Variants in DYNC1I1 observed in about 807,000 individuals in gnomAD.
The protein encoded by DYNC1I1 is cytoplasmic dynein 1 intermediate chain 1.
A neutral mutation model predicts 86.6 loss-of-function variants in DYNC1I1; 43 were observed. The ratio of observed to expected loss-of-function variants is 0.50; its 90% CI spans 0.39 to 0.64. DYNC1I1 has a LOEUF of 0.64. Among genes scored for constraint, DYNC1I1 ranks in the 30% least tolerant of loss-of-function variants. The pLI, the probability that DYNC1I1 is intolerant of heterozygous loss-of-function variation, is 0.00. For missense variants in DYNC1I1, 604 were observed against 788.8 expected (o/e 0.77, Z 2.81); for synonymous variants, 262 against 283.7 (o/e 0.92, Z 0.77).
At chr7:95,802,728 T>G (rs926944566) in intron 1 of DYNC1I1, 1 of 152,182 alleles carries the variant, frequency 6.6e-6, no homozygotes, top group Non-Finnish European at 1.5e-5. Flanking sequence ...TATAACTCAT[T>G]GTAACCGTGA....
chr7:95,893,093 G>T lies in DYNC1I1; in HGVS notation c.490+23095G>T, dbSNP rs1042818665. 3.3e-5 allele frequency among the ~76,000 whole-genome samples: 5 copies of T among 152,094 alleles called. No individual in the cohort carries two copies. The East Asian group carries it at 9.6e-4, about 29-fold the overall frequency. The stretch of plus-strand genomic sequence containing the variant: ...GCACAGTAAGCTTTGAAAAGGGAGG[G>T]TTAAAAATAGCTTCCTGGTTTCAGC... On this transcript the variant is annotated intron_variant, in intron 6 of 16. Transcript: ENST00000447467.
chr7:96,096,291 A>G (rs559217740), intron 16 of DYNC1I1, among the ~76,000 whole-genome samples: 120 of 152,182 alleles, frequency 7.9e-4, no homozygotes, highest in Admixed American at 2.2e-3. Context: ...AGCAATCTCA[A>G]AGCTTAGGTT....
intron 6 of DYNC1I1, among the ~76,000 whole-genome samples, chr7:95,963,613 C>T (rs1792930726): frequency 6.6e-6 from 1 of 152,144 alleles, no homozygotes; most frequent in African/African-American, 2.4e-5. Flanking sequence ...GCCACAGTTT[C>T]ATTCTCACAC....
intron 6 of DYNC1I1, among the ~76,000 whole-genome samples, chr7:95,890,052 G>A (rs563729011): frequency 2.0e-4 from 30 of 152,080 alleles, no homozygotes; most frequent in Non-Finnish European, 2.8e-4. Context: ...CTGAAATAGC[G>A]AAAAACAGAA....
At chr7:95,989,508 G>C (rs1793677376) in intron 9 of DYNC1I1, among the ~76,000 whole-genome samples, 1 of 152,198 alleles carries the variant, frequency 6.6e-6, no homozygotes, top group Admixed American at 6.5e-5. Context: ...GAATTACACA[G>C]GAACCTTATC....
At chr7:95,923,807 G>A (rs574303437) in intron 6 of DYNC1I1, among the ~76,000 whole-genome samples, 2 of 152,208 alleles carry the variant, frequency 1.3e-5, no homozygotes, top group South Asian at 4.1e-4. Flanking sequence ...TGTACAAATG[G>A]CATTTGAGTG....
chr7:95,968,824 C>CTGTGTGTG (rs56022930), intron 6 of DYNC1I1, among the ~76,000 whole-genome samples: 9,504 of 93,868 alleles, frequency 0.1, 402 homozygotes, highest in Non-Finnish European at 0.15. Flanking sequence ...ATTTTTTGCT[C>CTGTGTGTG]TGTGTGTGTG....
intron 6 of DYNC1I1, among the ~76,000 whole-genome samples, chr7:95,965,255 C>T (rs1021198433): frequency 2.0e-5 from 3 of 152,198 alleles, no homozygotes; most frequent in Non-Finnish European, 4.4e-5. Context: ...ACTTCCACAA[C>T]TTTTCCTTTC....
intron 6 of DYNC1I1, among the ~76,000 whole-genome samples, chr7:95,949,036 T>C (rs1449883595): frequency 6.6e-6 from 1 of 152,116 alleles, no homozygotes; most frequent in Non-Finnish European, 1.5e-5. Flanking sequence ...TTACTCTGCT[T>C]TTGCAACTTC....
intron 1 of DYNC1I1, among the ~76,000 whole-genome samples, chr7:95,777,272 C>T (rs1343513083): frequency 6.6e-6 from 1 of 152,158 alleles, no homozygotes; most frequent in African/African-American, 2.4e-5. Flanking sequence ...TTTTGCTTCC[C>T]CCATCGCCAG....
intron 9 of DYNC1I1, among the ~76,000 whole-genome samples, chr7:95,988,838 A>G (rs1793660545): frequency 1.3e-5 from 2 of 152,166 alleles, no homozygotes; most frequent in Admixed American, 1.3e-4. Context: ...CCCCCTCACA[A>G]CAATCATATG....
intron 14 of DYNC1I1, among the ~76,000 whole-genome samples, chr7:96,072,620 C>A (rs1456611932): frequency 6.6e-6 from 1 of 152,024 alleles, no homozygotes; most frequent in Non-Finnish European, 1.5e-5. Flanking sequence ...GTCAAATTTG[C>A]CCCCATCATC....
intron 13 of DYNC1I1, among the ~76,000 whole-genome samples, chr7:96,037,286 A>G (rs1413095064): frequency 2.0e-5 from 3 of 152,198 alleles, no homozygotes; most frequent in African/African-American, 7.2e-5. Flanking sequence ...AAAGCATAAA[A>G]ATATTTGATA....
At chr7:96,022,210 T>C (rs1294291667) in intron 10 of DYNC1I1, among the ~76,000 whole-genome samples, 1 of 152,162 alleles carries the variant, frequency 6.6e-6, no homozygotes, top group Non-Finnish European at 1.5e-5. Context: ...TAGTGGATGT[T>C]AAATGGTATG....
At chr7:95,918,059 A>G (rs1012352005) in intron 6 of DYNC1I1, among the ~76,000 whole-genome samples, 4 of 152,208 alleles carry the variant, frequency 2.6e-5, no homozygotes, top group African/African-American at 9.6e-5. Context: ...TTGAGTATCT[A>G]AAGTAAACCT....
At chr7:96,052,322 A>C (rs1789425486) in intron 14 of DYNC1I1, among the ~76,000 whole-genome samples, 1 of 152,134 alleles carries the variant, frequency 6.6e-6, no homozygotes, top group Non-Finnish European at 1.5e-5. Flanking sequence ...TGAAAAAAGA[A>C]AGCAGAAGTT....
At chr7:95,812,794 C>T (rs1338189361) in intron 3 of DYNC1I1, among the ~76,000 whole-genome samples, 1 of 152,126 alleles carries the variant, frequency 6.6e-6, no homozygotes, top group Non-Finnish European at 1.5e-5. Context: ...TGTCCTTGAC[C>T]ATTTAAAATT....
intron 6 of DYNC1I1, among the ~76,000 whole-genome samples, chr7:95,927,011 C>A (rs1398497082): frequency 6.6e-6 from 1 of 152,032 alleles, no homozygotes; most frequent in Non-Finnish European, 1.5e-5. Context: ...AAATATATGA[C>A]AATACAATGA....
chr7:95,910,857 T>G (rs990525476), intron 6 of DYNC1I1, among the ~76,000 whole-genome samples: 2 of 152,212 alleles, frequency 1.3e-5, no homozygotes, highest in African/African-American at 4.8e-5. Context: ...CAGTTGCTCA[T>G]GACTAGCATG....
Sources: gnomAD v4.1 joint callset for allele counts (sites outside exome capture counted in the v4.1 genomes callset) on GRCh38, gnomAD v4.1.1 for gene constraint, MANE v1.5 for transcripts, NCBI Gene and HGNC (gene_info 2026-07-23, HGNC 2026-07-21) for gene names.